Variants in GJC1 observed in about 807,000 individuals in gnomAD.
GJC1 encodes the protein gap junction gamma-1 protein.
In GJC1, 5 loss-of-function variants were observed where a neutral mutation model predicts 29.3. The ratio of observed to expected loss-of-function variants is 0.17; its 90% CI spans 0.09 to 0.36. GJC1 has a LOEUF of 0.36. Among genes scored for constraint, GJC1 ranks in the 10% least tolerant of loss-of-function variants. GJC1 has a pLI of 1.00. For missense variants in GJC1, 310 were observed against 496.2 expected, an observed-to-expected ratio of 0.62 and a Z score of 3.56; for synonymous variants, 177 against 183.3, an observed-to-expected ratio of 0.97 and a Z score of 0.28.
chr17:44,813,912 G>C (rs1227281842), intron 1 of GJC1, among the ~76,000 whole-genome samples: 1 of 152,052 alleles, frequency 6.6e-6, no homozygotes, highest in Non-Finnish European at 1.5e-5. Context: ...TCATTCTCTA[G>C]GCAAGCCCCC....
chr17:44,823,421 T>C (rs1174215165), intron 1 of GJC1, among the ~76,000 whole-genome samples: 1 of 151,742 alleles, frequency 6.6e-6, no homozygotes, highest in Non-Finnish European at 1.5e-5. Flanking sequence ...CCAGCTAATT[T>C]TTGTATTTTT....
At position 44,805,321 on chromosome 17, in the gene GJC1, C is replaced by T. The variant is rs781446845; in HGVS notation, c.497G>A (p.Arg166Gln). 51 of 1,614,076 alleles carry T rather than the reference C, an allele frequency of 3.2e-5. No homozygotes were observed. The highest frequency in any genetic ancestry group is 1.2e-4 in the African/African-American group (9 of 74,928). ...CATGAGCCCATCTTCCCGAATCCGT[C>T]GTCGGCCATCATGCTTAGGTTTGGG... is the stretch of plus-strand genomic sequence containing the variant. ...SQPKPKHDGR[R>Q]RIREDGLMKI... The change falls in exon 3 of 3, where the codon CGA becomes CAA. Residue 166 changes from arginine to glutamine, a missense_variant. Coordinates refer to ENST00000592524, the MANE Select transcript of GJC1 (RefSeq NM_005497.4). The surrounding 1 kb of genome is among the most constrained non-coding windows in gnomAD (Gnocchi z 5.1).
intron 2 of GJC1, among the ~76,000 whole-genome samples, chr17:44,806,683 C>T (rs544587362): frequency 6.6e-6 from 1 of 152,198 alleles, no homozygotes; most frequent in African/African-American, 2.4e-5. Flanking sequence ...ACCACCATGC[C>T]TGGCCAGACC....
At chr17:44,829,014 GAC>G (rs1158110846) in intron 1 of GJC1, among the ~76,000 whole-genome samples, 4 of 150,002 alleles carry the variant, frequency 2.7e-5, no homozygotes, top group Non-Finnish European at 5.9e-5. Context: ...ACGTATACAC[GAC>G]ACAAACATAT....
intron 1 of GJC1, among the ~76,000 whole-genome samples, chr17:44,812,479 A>AT (rs1476205084): frequency 6.6e-6 from 1 of 152,166 alleles, no homozygotes; most frequent in Non-Finnish European, 1.5e-5. Context: ...AATTCAAAAA[A>AT]TTGCAATCTC....
At chr17:44,821,223 A>G (rs533607530) in intron 1 of GJC1, among the ~76,000 whole-genome samples, 2 of 152,336 alleles carry the variant, frequency 1.3e-5, no homozygotes, top group East Asian at 3.9e-4. Context: ...CCTAAGTGGA[A>G]CTGTCTTCAT....
chr17:44,810,370 T>C (rs2049964234), intron 1 of GJC1, among the ~76,000 whole-genome samples: 1 of 152,190 alleles, frequency 6.6e-6, no homozygotes, highest in Non-Finnish European at 1.5e-5. Context: ...AAAATTTTCT[T>C]GGGGGGAAGA....
intron 1 of GJC1, among the ~76,000 whole-genome samples, chr17:44,816,988 A>C (rs1357461913): frequency 6.6e-6 from 1 of 151,888 alleles, no homozygotes; most frequent in Non-Finnish European, 1.5e-5. Context: ...AGGCGGGCGG[A>C]TCACCTGAAG....
At chr17:44,808,852 T>C (rs866504087) in intron 1 of GJC1, among the ~76,000 whole-genome samples, 17 of 151,648 alleles carry the variant, frequency 1.1e-4, no homozygotes, top group South Asian at 2.1e-4. Flanking sequence ...CCGAGGTGGG[T>C]GGATCACCAG....
At chr17:44,816,467 CTG>C (rs1270622889) in intron 1 of GJC1, among the ~76,000 whole-genome samples, 1 of 152,138 alleles carries the variant, frequency 6.6e-6, no homozygotes, top group African/African-American at 2.4e-5. Flanking sequence ...CAAATTAACA[CTG>C]TTTTTCTGTA....
chr17:44,813,470 CTCCT>C lies in GJC1; in HGVS notation c.-96-6005_-96-6002del, dbSNP rs1295821427. ...TTTCTTGGATACTCTTCCCTTTCCTCTCCTTCCAAGTTACTTTTTTTTTTTTTTT... is the reference window on the plus strand; with the variant it reads ...TTTCTTGGATACTCTTCCCTTTCCTCTCCAAGTTACTTTTTTTTTTTTTTT... On this transcript the variant is annotated intron_variant, in intron 1 of 2. Coordinates refer to ENST00000592524, the MANE Select transcript of GJC1 (RefSeq NM_005497.4). Among the ~76,000 whole-genome samples the C allele has an allele frequency of 2.7e-5, 4 of 148,184 alleles. No individual in the cohort carries two copies. In the East Asian group the frequency reaches 6.0e-4, roughly 22 times the overall value.
chr17:44,819,487 T>C (rs1034531437), intron 1 of GJC1, among the ~76,000 whole-genome samples: 1 of 151,740 alleles, frequency 6.6e-6, no homozygotes, highest in Non-Finnish European at 1.5e-5. Flanking sequence ...TGAAACCCCC[T>C]CTCTACTAAA....
intron 1 of GJC1, among the ~76,000 whole-genome samples, chr17:44,823,196 T>C (rs892084909): frequency 4.0e-5 from 6 of 151,568 alleles, no homozygotes; most frequent in Non-Finnish European, 7.4e-5. Context: ...ATCCGATTTA[T>C]ATAGAGGAAA....
At chr17:44,808,814 A>G (rs2145313431) in intron 1 of GJC1, among the ~76,000 whole-genome samples, 1 of 152,296 alleles carries the variant, frequency 6.6e-6, no homozygotes, top group Non-Finnish European at 1.5e-5. Context: ...ACGGTGGCTC[A>G]TGCCTGTAAT....
upstream of GJC1, among the ~76,000 whole-genome samples, chr17:44,831,299 A>G (rs997126198): frequency 1.3e-5 from 2 of 152,220 alleles, no homozygotes; most frequent in Non-Finnish European, 2.9e-5. Flanking sequence ...AAATATTAAA[A>G]TCCAGATTTC....
chr17:44,826,624 A>G (rs894497658), intron 1 of GJC1, among the ~76,000 whole-genome samples: 9 of 152,198 alleles, frequency 5.9e-5, no homozygotes, highest in African/African-American at 1.9e-4. Flanking sequence ...ACAGGTCTGA[A>G]AGATAAACCT....
chr17:44,829,633 A>C (rs1389152943), intron 1 of GJC1: 1 of 151,984 alleles, frequency 6.6e-6, no homozygotes, highest in Non-Finnish European at 1.5e-5. Flanking sequence ...GCCCGCGAAG[A>C]GCCCGGGCGG....
intron 1 of GJC1, among the ~76,000 whole-genome samples, chr17:44,828,550 T>C (rs1160657714): frequency 6.6e-6 from 1 of 152,224 alleles, no homozygotes; most frequent in Non-Finnish European, 1.5e-5. Flanking sequence ...CCTACAGCAC[T>C]CTGGGCACAA....
In GJC1 at chr17:44,830,218, A is replaced by G. The variant is rs866128786; in HGVS notation, c.-253T>C. The G allele has an allele frequency of 0.013, 2,000 of 159,836 alleles. 21 individuals are homozygous for G. The highest frequency in any genetic ancestry group is 0.019 in the Non-Finnish European group (1,395 of 74,740). 9.9% of individuals were successfully genotyped at this position (159,836 alleles called of 1,614,324 possible). On this transcript the variant is annotated 5_prime_UTR_variant, in exon 1 of 3. Coordinates refer to ENST00000592524, the MANE Select transcript of GJC1 (RefSeq NM_005497.4). This position sits in a 1 kb window ranked among gnomAD's most constrained non-coding sequence, Gnocchi z 4.3. ...CTTCGCCTCAGTCTCCAGCCGAGGC[A>G]GAAGCCGCTCCCGCCGCTGCCGCCG... is the stretch of plus-strand genomic sequence containing the variant.
Sources: allele counts gnomAD v4.1 joint callset (sites outside exome capture counted in the v4.1 genomes callset), GRCh38; gene constraint gnomAD v4.1.1; non-coding constraint Gnocchi (gnomAD v3.1); transcripts MANE v1.5; gene names NCBI Gene and HGNC (gene_info 2026-07-23, HGNC 2026-07-21).